TENM3: variants seen among roughly 807,000 people sequenced by gnomAD.
The protein encoded by TENM3 is teneurin transmembrane protein 3.
A neutral mutation model predicts 255.1 loss-of-function variants in TENM3; 63 were observed. The observed-to-expected ratio is 0.25, with a 90% confidence interval of 0.20 to 0.30. The LOEUF (loss-of-function observed/expected upper bound fraction) is 0.30. Ranked by LOEUF, TENM3 falls within the 10% of genes least tolerant of loss-of-function variation. TENM3 has a pLI of 1.00. For synonymous variants in TENM3, 1,306 were observed against 1,322.3 expected, an observed-to-expected ratio of 0.99 and a Z score of 0.27; for missense variants, 2,929 against 3,461.1, an observed-to-expected ratio of 0.85 and a Z score of 3.86.
chr4:182,364,642 A>T (rs1766287346), intron 3 of TENM3, among the ~76,000 whole-genome samples: 1 of 151,884 alleles, frequency 6.6e-6, no homozygotes, highest in East Asian at 1.9e-4. Context: ...GATGGTCTCA[A>T]CCTCCTGACC....
the TENM3 span, among the ~76,000 whole-genome samples, chr4:181,730,918 C>T: frequency 6.6e-6 from 1 of 152,036 alleles, no homozygotes; most frequent in Non-Finnish European, 1.5e-5. Context: ...TTTGACTGTT[C>T]CTTAACAACA....
chr4:182,799,970 C>A lies in TENM3; in HGVS notation c.7719C>A (p.Asn2573Lys). 6.3e-7 allele frequency: 1 copy of A among 1,591,516 alleles called. No homozygotes were observed. ...CCAGCGGCCGCAAGGCGCTGGAGAA[C>A]GGCATCAACGTGACGGTGTCGCAGT... ...RLTSGRKALE[N>K]GINVTVSQST... Residue 2573 changes from asparagine (N) to lysine (K), a missense_variant, in exon 28 of 28, where the codon AAC (asparagine) becomes AAA (lysine). By Grantham distance (94) the Asn-to-Lys change is moderately conservative. Around this residue, in one of 6 missense-constraint regions of TENM3, gnomAD observed 476 missense variants for 480.1 expected, o/e 0.99. Coordinates refer to ENST00000511685, the MANE Select transcript of TENM3 (RefSeq NM_001080477.4). The surrounding 1 kb of genome is among the most constrained non-coding windows in gnomAD (Gnocchi z 4.2).
the TENM3 span, among the ~76,000 whole-genome samples, chr4:181,759,880 A>C: frequency 1.3e-4 from 19 of 151,988 alleles, no homozygotes; most frequent in African/African-American, 4.6e-4. Context: ...TTAACTCATA[A>C]ACTCTTCCTA....
chr4:181,752,933 C>T, the TENM3 span, among the ~76,000 whole-genome samples: 1 of 151,984 alleles, frequency 6.6e-6, no homozygotes, highest in South Asian at 2.1e-4. Context: ...AGTTTAAAAC[C>T]TTTACCTGCT....
chr4:182,714,017 T>C, intron 12 of TENM3, 70 bp from the exon 13 acceptor site: 1 of 1,351,014 alleles, frequency 7.4e-7, no homozygotes, highest in Non-Finnish European at 1.0e-6. Flanking sequence ...TAAGTGTCCC[T>C]TATCTGTTTA....
the TENM3 span, among the ~76,000 whole-genome samples, chr4:181,544,757 A>T: frequency 2.6e-5 from 4 of 152,238 alleles, no homozygotes; most frequent in African/African-American, 4.8e-5. Flanking sequence ...ACTATACTAC[A>T]GTGTTCATAA....
chr4:181,654,130 T>A, the TENM3 span, among the ~76,000 whole-genome samples: 2 of 151,804 alleles, frequency 1.3e-5, no homozygotes, highest in African/African-American at 4.8e-5. Context: ...TCTCCCTCAA[T>A]TTTTCTTACA....
the TENM3 span, among the ~76,000 whole-genome samples, chr4:181,856,790 A>G: frequency 1.3e-5 from 2 of 152,006 alleles, no homozygotes; most frequent in African/African-American, 4.8e-5. Flanking sequence ...TGCTCTGTAC[A>G]CACCAGAGGA....
the TENM3 span, among the ~76,000 whole-genome samples, chr4:181,545,359 T>C: frequency 6.6e-6 from 1 of 152,206 alleles, no homozygotes; most frequent in Admixed American, 6.5e-5. Context: ...TTTGTAGCCA[T>C]TTTGTTTCTT....
chr4:181,991,551 C>T, the TENM3 span, among the ~76,000 whole-genome samples: 2 of 152,098 alleles, frequency 1.3e-5, no homozygotes, highest in Admixed American at 6.6e-5. Context: ...AAGCTGTCAT[C>T]GTCCAGTGGC....
chr4:182,326,578 A>C (rs140016287), intron 2 of TENM3, among the ~76,000 whole-genome samples: 3,451 of 152,250 alleles, frequency 0.023, 52 homozygotes, highest in Non-Finnish European at 0.033. Flanking sequence ...TCTGTTGCCA[A>C]AGCCTGACTG....
intron 1 of TENM3, among the ~76,000 whole-genome samples, chr4:182,184,306 T>C (rs1250699249): frequency 6.6e-6 from 1 of 152,148 alleles, no homozygotes; most frequent in Non-Finnish European, 1.5e-5. Flanking sequence ...CCACTGGGCC[T>C]CTGGGGAGTT....
chr4:182,504,772 G>T (rs1267109930), intron 3 of TENM3, among the ~76,000 whole-genome samples: 1 of 152,162 alleles, frequency 6.6e-6, no homozygotes, highest in Non-Finnish European at 1.5e-5. Flanking sequence ...ATAGCAATAT[G>T]CCAGCCTGGT....
At chr4:182,485,767 G>C (rs55633904) in intron 3 of TENM3, among the ~76,000 whole-genome samples, 3,172 of 152,202 alleles carry the variant, frequency 0.021, 113 homozygotes, top group African/African-American at 0.071. Flanking sequence ...GTGAGCTGTT[G>C]GGATCCAATG....
chr4:182,203,417 C>A (rs1234566044), intron 1 of TENM3, among the ~76,000 whole-genome samples: 1 of 152,020 alleles, frequency 6.6e-6, no homozygotes, highest in African/African-American at 2.4e-5. Flanking sequence ...GTTCCCAGTC[C>A]CCAAAGTGGT....
At chr4:182,722,610 A>C (rs1759828659) in intron 13 of TENM3, among the ~76,000 whole-genome samples, 3 of 152,208 alleles carry the variant, frequency 2.0e-5, no homozygotes, top group Admixed American at 1.3e-4. Context: ...AAGGTCTTAT[A>C]AGCCATGTTA....
chr4:182,585,891 G>C (rs1745973533), intron 3 of TENM3, among the ~76,000 whole-genome samples: 1 of 152,208 alleles, frequency 6.6e-6, no homozygotes, highest in South Asian at 2.1e-4. Context: ...AAGGTTCCTA[G>C]TGGCAGTGAG....
At chr4:182,634,505 T>C (rs1751677241) in intron 5 of TENM3, among the ~76,000 whole-genome samples, 1 of 152,120 alleles carries the variant, frequency 6.6e-6, no homozygotes, top group Non-Finnish European at 1.5e-5. Flanking sequence ...TTCTTTGGAT[T>C]ACTGAGCCTG....
the TENM3 span, among the ~76,000 whole-genome samples, chr4:181,763,575 T>G: frequency 6.6e-6 from 1 of 152,180 alleles, no homozygotes; most frequent in Non-Finnish European, 1.5e-5. Flanking sequence ...TAAATAAATT[T>G]GTATTGCAAC....
Sources: allele counts gnomAD v4.1 joint callset (sites outside exome capture counted in the v4.1 genomes callset), GRCh38; gene constraint gnomAD v4.1.1; regional missense constraint gnomAD v4.1.1; non-coding constraint Gnocchi (gnomAD v3.1); transcripts MANE v1.5; gene names NCBI Gene and HGNC (gene_info 2026-07-23, HGNC 2026-07-21).